XYLT1: variants seen among roughly 807,000 people sequenced by gnomAD.
XYLT1 encodes the protein beta-D-xylosyltransferase 1.
XYLT1 carries 36 observed loss-of-function variants against 91.3 expected under a neutral mutation model. The ratio of observed to expected loss-of-function variants is 0.39; its 90% CI spans 0.30 to 0.52. The LOEUF (loss-of-function observed/expected upper bound fraction) is 0.52. Ranked by LOEUF, XYLT1 falls within the 20% of genes least tolerant of loss-of-function variation. XYLT1 has a pLI of 0.68. For missense variants in XYLT1, 1,242 were observed against 1,284.5 expected (o/e 0.97, Z 0.51); for synonymous variants, 588 against 532.0 (o/e 1.11, Z -1.45).
At chr16:17,168,461 G>A (rs1012515055) in intron 5 of XYLT1, among the ~76,000 whole-genome samples, 3 of 152,146 alleles carry the variant, frequency 2.0e-5, no homozygotes, top group African/African-American at 7.2e-5. Flanking sequence ...GGAGGGCAAA[G>A]GCTGAAAAAT....
At chr16:17,215,028 T>C (rs559399379) in intron 3 of XYLT1, among the ~76,000 whole-genome samples, 93 of 152,272 alleles carry the variant, frequency 6.1e-4, no homozygotes, top group African/African-American at 2.1e-3. Context: ...TGTGACCGTA[T>C]TGGAGATGTG....
intron 2 of XYLT1, among the ~76,000 whole-genome samples, chr16:17,262,506 C>T (rs1303863417): frequency 1.3e-5 from 2 of 152,142 alleles, no homozygotes; most frequent in East Asian, 3.8e-4. Context: ...CTCATATTAG[C>T]GTCTGTCGGG....
chr16:17,244,306 C>T (rs949986165), intron 3 of XYLT1, among the ~76,000 whole-genome samples: 2 of 151,862 alleles, frequency 1.3e-5, no homozygotes, highest in East Asian at 1.9e-4. Flanking sequence ...CAAGTGTGGC[C>T]GGCAAGCACT....
chr16:17,145,582 G>A (rs2031110786), intron 6 of XYLT1, among the ~76,000 whole-genome samples: 1 of 152,220 alleles, frequency 6.6e-6, no homozygotes. Flanking sequence ...GAGACAGAAA[G>A]ACACAGTGCC....
chr16:17,336,199 G>A (rs73535349), intron 2 of XYLT1, among the ~76,000 whole-genome samples: 1,911 of 152,272 alleles, frequency 0.013, 36 homozygotes, highest in African/African-American at 0.044. Context: ...CCGTGCCATG[G>A]ATTTAACATG....
intron 5 of XYLT1, among the ~76,000 whole-genome samples, chr16:17,174,231 T>C (rs1471409864): frequency 6.6e-6 from 1 of 152,244 alleles, no homozygotes; most frequent in Admixed American, 6.5e-5. Flanking sequence ...TCTTCCCTTT[T>C]TCTCTAAAGT....
At chr16:17,297,710 G>A (rs1443451619) in intron 2 of XYLT1, among the ~76,000 whole-genome samples, 1 of 152,058 alleles carries the variant, frequency 6.6e-6, no homozygotes, top group African/African-American at 2.4e-5. Flanking sequence ...GCCACAGAGT[G>A]AGACCTTGTC....
At chr16:17,333,070 T>C (rs2034925423) in intron 2 of XYLT1, among the ~76,000 whole-genome samples, 1 of 152,118 alleles carries the variant, frequency 6.6e-6, no homozygotes, top group Non-Finnish European at 1.5e-5. Context: ...CTCAGGAGAC[T>C]GAGGCCAGGA....
intron 2 of XYLT1, among the ~76,000 whole-genome samples, chr16:17,320,705 C>G (rs985839105): frequency 6.6e-6 from 1 of 151,546 alleles, no homozygotes; most frequent in African/African-American, 2.4e-5. Context: ...TGGTCTTGAA[C>G]TCCTGACCTC....
Position 17,392,031 on chromosome 16 carries a change from C to T in XYLT1, c.364-33981G>A, listed in dbSNP as rs573799900. ...TTACCCAGTCTCAATGTCTTTATTTCGCAGCATGAGAAATGACTAATACAG... is the reference window on the plus strand; with the variant it reads ...TTACCCAGTCTCAATGTCTTTATTTTGCAGCATGAGAAATGACTAATACAG... On this transcript the variant is annotated intron_variant, in intron 1 of 11. Transcript: ENST00000261381. 4.5e-4 allele frequency among the ~76,000 whole-genome samples: 69 copies of T among 152,260 alleles called. 1 individual carries two copies. The highest frequency in any genetic ancestry group is 3.8e-3 in the Admixed American group (58 of 15,296).
chr16:17,446,683 GA>G (rs1251437741), intron 1 of XYLT1, among the ~76,000 whole-genome samples: 1 of 152,140 alleles, frequency 6.6e-6, no homozygotes, highest in Non-Finnish European at 1.5e-5. Flanking sequence ...GGAGGTAGGC[GA>G]AGACCCCATC....
chr16:17,366,576 T>C (rs1349668932), intron 1 of XYLT1, among the ~76,000 whole-genome samples: 1 of 152,020 alleles, frequency 6.6e-6, no homozygotes, highest in Non-Finnish European at 1.5e-5. Flanking sequence ...ATACCTGTAG[T>C]CCCAGCTACC....
At chr16:17,161,729 T>A (rs2031560358) in intron 5 of XYLT1, among the ~76,000 whole-genome samples, 1 of 151,732 alleles carries the variant, frequency 6.6e-6, no homozygotes, top group South Asian at 2.1e-4. Context: ...CACTCTCTTT[T>A]TCTGGTGAAG....
rs562106832 is a variant in XYLT1 at position 17,277,610 on chromosome 16, G to C, written c.403-18112C>G. ...TCACCATGTAGGCCAGGCTGTTCTC[G>C]AACTCCTGACCTCCTGTGATCCACC... On this transcript the variant is annotated intron_variant, in intron 2 of 11. Coordinates refer to ENST00000261381, the MANE Select transcript of XYLT1 (RefSeq NM_022166.4). 2.6e-5 allele frequency among the ~76,000 whole-genome samples: 4 copies of C among 151,972 alleles called. No individual in the cohort carries two copies. In the South Asian group the frequency reaches 8.3e-4, roughly 32 times the overall value.
intron 1 of XYLT1, among the ~76,000 whole-genome samples, chr16:17,423,429 C>T (rs1473492073): frequency 1.3e-5 from 2 of 152,056 alleles, no homozygotes; most frequent in African/African-American, 2.4e-5. Context: ...TTGTTTTTTC[C>T]TCAAGGGCAC....
At chr16:17,443,052 G>A (rs2036551033) in intron 1 of XYLT1, among the ~76,000 whole-genome samples, 1 of 152,106 alleles carries the variant, frequency 6.6e-6, no homozygotes, top group Non-Finnish European at 1.5e-5. Context: ...CCGCTTGGGT[G>A]CAAATCTCGA....
intron 3 of XYLT1, among the ~76,000 whole-genome samples, chr16:17,207,744 A>G (rs969250749): frequency 9.9e-5 from 15 of 152,158 alleles, no homozygotes; most frequent in Non-Finnish European, 2.2e-4. Context: ...TCTGCACCGC[A>G]GCTGCTGCTC....
chr16:17,252,564 A>G (rs2033558204), intron 3 of XYLT1, among the ~76,000 whole-genome samples: 2 of 152,146 alleles, frequency 1.3e-5, no homozygotes, highest in Admixed American at 6.5e-5. Context: ...CCCTCGTGAA[A>G]ACAGCTGTCA....
chr16:17,168,578 T>A (rs2031753124), intron 5 of XYLT1, among the ~76,000 whole-genome samples: 3 of 151,738 alleles, frequency 2.0e-5, no homozygotes, highest in Admixed American at 6.6e-5. Context: ...ACGTACCCAC[T>A]GAATCTAAAA....
Sources: gnomAD v4.1 joint callset for allele counts (sites outside exome capture counted in the v4.1 genomes callset) on GRCh38, gnomAD v4.1.1 for gene constraint, MANE v1.5 for transcripts, NCBI Gene and HGNC (gene_info 2026-07-23, HGNC 2026-07-21) for gene names.